DTX4: variants seen among roughly 807,000 people sequenced by gnomAD.
The protein encoded by DTX4 is E3 ubiquitin-protein ligase DTX4.
Under a neutral mutation model 57.6 loss-of-function variants are expected in DTX4, and 28 were observed. The ratio of observed to expected loss-of-function variants is 0.49; its 90% CI spans 0.36 to 0.67. The LOEUF (loss-of-function observed/expected upper bound fraction) is 0.67, where lower values mean the gene tolerates loss of function less well. DTX4 is among the 30% of genes least tolerant of loss of function. The probability of loss-of-function intolerance (pLI) is 0.00; values close to 1 mark genes in which losing one functional copy is unlikely to be tolerated. For synonymous variants in DTX4, 316 were observed against 331.0 expected (o/e 0.95, Z 0.49); for missense variants, 715 against 836.8 (o/e 0.85, Z 1.80).
At chr11:59,193,187 G>C (rs1287320917) in intron 6 of DTX4, among the ~76,000 whole-genome samples, 1 of 152,222 alleles carries the variant, frequency 6.6e-6, no homozygotes, top group African/African-American at 2.4e-5. Flanking sequence ...ACCTGAGCTT[G>C]AATCCTGGCT....
At position 59,181,748 on chromosome 11, in the gene DTX4, G is replaced by C. The variant is rs761374600; in HGVS notation, c.221G>C (p.Arg74Pro). ...TATCCCACCCTGGCAGGAACTCTCC[G>C]CCCAGTTCGCCGCAACTACTACGAC... ...NQFRQDTGTLRPVRRNYYDPS... is the reference protein window; with the variant it reads ...NQFRQDTGTLPPVRRNYYDPS... Residue 74 changes from arginine to proline, a missense_variant, in exon 2 of 9, where the codon CGC becomes CCC. By Grantham distance (103) the Arg-to-Pro change is moderately radical. Coordinates refer to ENST00000227451, the MANE Select transcript of DTX4 (RefSeq NM_015177.2). The C allele has an allele frequency of 6.2e-7, 1 of 1,601,106 alleles. No individual in the cohort carries two copies. The highest frequency in any genetic ancestry group is 1.3e-5 in the African/African-American group (1 of 74,864).
At chr11:59,184,072 G>A (rs956428056) in intron 2 of DTX4, among the ~76,000 whole-genome samples, 1 of 152,220 alleles carries the variant, frequency 6.6e-6, no homozygotes, top group African/African-American at 2.4e-5. Context: ...CAAAATGCTG[G>A]TGAGATGCAT....
intron 1 of DTX4, among the ~76,000 whole-genome samples, chr11:59,177,569 T>C (rs779489765): frequency 1.3e-5 from 2 of 152,186 alleles, no homozygotes; most frequent in Non-Finnish European, 2.9e-5. Flanking sequence ...ATTTCAGACC[T>C]TCCATACCCT....
intron 4 of DTX4, among the ~76,000 whole-genome samples, chr11:59,190,657 G>A (rs1434480302): frequency 1.3e-5 from 2 of 152,110 alleles, no homozygotes; most frequent in Admixed American, 6.5e-5. Flanking sequence ...TGGAGTCGTG[G>A]GTCATAACTT....
rs1174453576 is a variant in DTX4 at position 59,189,169 on chromosome 11, TG to T, written c.1008del (p.Ile337SerfsTer3). 1 of 1,613,376 alleles carries T rather than the reference TG, an allele frequency of 6.2e-7. No individual in the cohort carries two copies. The highest frequency in any genetic ancestry group is 2.2e-5 in the East Asian group (1 of 44,888). On this transcript the variant is annotated frameshift_variant, in exon 4 of 9. Coordinates refer to ENST00000227451, the MANE Select transcript of DTX4 (RefSeq NM_015177.2). LOFTEE classifies it high-confidence loss of function. ...PVNPALAGITGILMSAAGLPV... is the reference protein window; with the variant it reads ...PVNPALAGITXILMSAAGLPV... ...ATGCCCTGCCCCTTCCAGGAATCAC[TG>T]GGATCCTCATGAGTGCAGCGGGGCT...
chr11:59,184,640 C>T (rs907446261), intron 2 of DTX4, among the ~76,000 whole-genome samples: 4 of 152,294 alleles, frequency 2.6e-5, no homozygotes, highest in South Asian at 2.1e-4. Flanking sequence ...CTTTGAATCT[C>T]GATGAGGGAG....
rs1447053477 is a variant in DTX4 at position 59,182,235 on chromosome 11, G to A, written c.708G>A (p.Gly236=). Residue 236 remains glycine, a synonymous_variant, in exon 2 of 9, where the codon GGG becomes GGA. Transcript: ENST00000227451. The part of the protein sequence containing the change: ...VVKLPPLPGS[G]AKPLDSTGTI... ...AGCTACCCCCACTGCCAGGCTCTGGGGCCAAGCCACTGGACAGCACAGGCA... is the reference window on the plus strand; with the variant it reads ...AGCTACCCCCACTGCCAGGCTCTGGAGCCAAGCCACTGGACAGCACAGGCA... The A allele has an allele frequency of 3.2e-5, 52 of 1,610,228 alleles. No homozygotes were observed. Among genetic ancestry groups the A allele is most frequent in the Non-Finnish European group, 4.4e-5 (52 of 1,178,250 alleles).
In DTX4 at chr11:59,205,167, G is replaced by A; in HGVS notation, c.*258G>A. ...GGTCTGTTCCCATGGAGTTTTTGGT[G>A]CTGGGTAGGCAGGAATCCCCTCCCT... On this transcript the variant is annotated 3_prime_UTR_variant, in exon 9 of 9. Coordinates refer to ENST00000227451, the MANE Select transcript of DTX4 (RefSeq NM_015177.2). 2.3e-6 allele frequency: 1 copy of A among 444,198 alleles called. No homozygotes were observed. The highest frequency in any genetic ancestry group is 4.2e-6 in the Non-Finnish European group (1 of 239,848). The allele number at this position is 444,198 out of a possible 1,614,324, so 27.5% of individuals were successfully genotyped here. A position where few individuals can be genotyped will look rare whatever the true frequency, so the allele number is the denominator to read the frequency against.
In DTX4 at chr11:59,205,181, A is replaced by T. The variant is rs139572557; in HGVS notation, c.*272A>T. On this transcript the variant is annotated 3_prime_UTR_variant, in exon 9 of 9. Transcript: ENST00000227451. ...GAGTTTTTGGTGCTGGGTAGGCAGGAATCCCCTCCCTACCCCACCTCCCAA... is the reference window on the plus strand; with the variant it reads ...GAGTTTTTGGTGCTGGGTAGGCAGGTATCCCCTCCCTACCCCACCTCCCAA... 150 of 419,578 alleles carry T rather than the reference A, an allele frequency of 3.6e-4. 1 individual carries two copies. The East Asian group carries it at 6.9e-3, about 19-fold the overall frequency. The allele number at this position is 419,578 out of a possible 1,614,324, so 26.0% of individuals were successfully genotyped here.
chr11:59,200,765 T>C (rs986282291), intron 8 of DTX4, among the ~76,000 whole-genome samples: 3 of 152,234 alleles, frequency 2.0e-5, no homozygotes, highest in Admixed American at 6.5e-5. Flanking sequence ...CAGAAAATCA[T>C]TGGATTTTCA....
chr11:59,176,177 A>G (rs1046067341), intron 1 of DTX4, among the ~76,000 whole-genome samples: 1 of 152,184 alleles, frequency 6.6e-6, no homozygotes, highest in African/African-American at 2.4e-5. Context: ...CCCGCCACAA[A>G]ACCCTCTACC....
chr11:59,178,365 G>C (rs1862420747), intron 1 of DTX4, among the ~76,000 whole-genome samples: 1 of 152,188 alleles, frequency 6.6e-6, no homozygotes, highest in Admixed American at 6.5e-5. Flanking sequence ...CATGCATTTT[G>C]TTGGCATTCT....
intron 1 of DTX4, among the ~76,000 whole-genome samples, chr11:59,179,799 T>C (rs1354099857): frequency 1.3e-5 from 2 of 152,142 alleles, no homozygotes; most frequent in East Asian, 3.9e-4. Context: ...AGGCAGGGTG[T>C]TGCCAGCCAG....
Position 59,182,166 on chromosome 11 carries a change from G to C in DTX4, c.639G>C (p.Gln213His). The C allele has an allele frequency of 6.2e-7, 1 of 1,612,814 alleles. No individual in the cohort carries two copies. The highest frequency in any genetic ancestry group is 8.5e-7 in the Non-Finnish European group (1 of 1,179,592). ...TCAATGGCAGCACTGGGCCCCTACA[G>C]CTGCCAGTGACCCGCAAGAACATGC... ...AVVNGSTGPL[Q>H]LPVTRKNMPP... Residue 213 changes from glutamine (Q) to histidine (H), a missense_variant, in exon 2 of 9, where the codon CAG (glutamine) becomes CAC (histidine). Gln to His is a conservative substitution (Grantham distance 24). Coordinates refer to ENST00000227451, the MANE Select transcript of DTX4 (RefSeq NM_015177.2).
Position 59,181,857 on chromosome 11 carries a change from C to T in DTX4, c.330C>T (p.Gly110=), listed in dbSNP as rs754051185. The change falls in exon 2 of 9, where the codon GGC becomes GGT. Residue 110 remains glycine, a synonymous_variant. Coordinates refer to ENST00000227451, the MANE Select transcript of DTX4 (RefSeq NM_015177.2). ...GGACGCCCTACGACATGGAAGTGGG[C>T]ATCACCATCCAGCATGCCTATGAGA... ...GSWTPYDMEV[G]ITIQHAYEKQ... is the part of the protein sequence containing the mutation. 9 of 1,613,860 alleles carry T rather than the reference C, an allele frequency of 5.6e-6. No individual in the cohort carries two copies. Among genetic ancestry groups the T allele is most frequent in the Admixed American group, 1.7e-5 (1 of 60,004 alleles).
intron 2 of DTX4, among the ~76,000 whole-genome samples, chr11:59,183,797 C>G (rs1226631205): frequency 1.3e-5 from 2 of 152,232 alleles, no homozygotes; most frequent in Non-Finnish European, 2.9e-5. Flanking sequence ...GCCACAGAAT[C>G]TTTGCAAGAT....
chr11:59,193,894 T>C (rs1366915024), intron 6 of DTX4, among the ~76,000 whole-genome samples: 2 of 152,206 alleles, frequency 1.3e-5, no homozygotes, highest in Admixed American at 6.5e-5. Flanking sequence ...TCCCGAGGAG[T>C]TGGGGATGTC....
Position 59,206,654 on chromosome 11 carries a change from T to G in DTX4, c.*1745T>G, listed in dbSNP as rs552866869. On this transcript the variant is annotated 3_prime_UTR_variant, in exon 9 of 9. Coordinates refer to ENST00000227451, the MANE Select transcript of DTX4 (RefSeq NM_015177.2). ...TCTTTCATAAAGCCAGCCCCATAGC[T>G]GCTTGCTGTTAGGCCTCCAGCCATT... is the stretch of plus-strand genomic sequence containing the variant. 2.6e-4 allele frequency: 39 copies of G among 152,716 alleles called. No individual in the cohort carries two copies. The highest frequency in any genetic ancestry group is 9.4e-4 in the African/African-American group (39 of 41,560). The allele number at this position is 152,716 out of a possible 1,614,324, so 9.5% of individuals were successfully genotyped here. A position where few individuals can be genotyped will look rare whatever the true frequency, so the allele number is the denominator to read the frequency against.
At chr11:59,184,804 AG>A (rs779068220) in intron 2 of DTX4, among the ~76,000 whole-genome samples, 2 of 152,166 alleles carry the variant, frequency 1.3e-5, no homozygotes, top group Non-Finnish European at 2.9e-5. Context: ...TTTCCTGATG[AG>A]GGAGGCCCCT....
Sources: gnomAD v4.1 joint callset for allele counts (sites outside exome capture counted in the v4.1 genomes callset) on GRCh38, gnomAD v4.1.1 for gene constraint, MANE v1.5 for transcripts, NCBI Gene and HGNC (gene_info 2026-07-23, HGNC 2026-07-21) for gene names.